Variants in L2HGDH observed in about 807,000 individuals in gnomAD.
L2HGDH encodes the protein L-2-hydroxyglutarate dehydrogenase.
Under a neutral mutation model 51.5 loss-of-function variants are expected in L2HGDH, and 34 were observed. The ratio of observed to expected loss-of-function variants is 0.66; its 90% confidence interval spans 0.50 to 0.88. L2HGDH has a LOEUF of 0.88. Among genes scored for constraint, L2HGDH ranks in the 40% least tolerant of loss-of-function variants. The pLI, the probability that L2HGDH is intolerant of heterozygous loss-of-function variation, is 0.00. For missense variants in L2HGDH, 558 were observed against 571.9 expected, an observed-to-expected ratio of 0.98 and a Z score of 0.25; for synonymous variants, 198 against 197.9, an observed-to-expected ratio of 1.00 and a Z score of -0.01.
At chr14:50,265,770 C>T (rs149134908) in intron 8 of L2HGDH, among the ~76,000 whole-genome samples, 1,537 of 152,168 alleles carry the variant, frequency 0.01, 33 homozygotes, top group African/African-American at 0.035. Flanking sequence ...AAAAATTAGA[C>T]AGGTGTGGTG....
At chr14:50,258,960 C>A (rs889399575) in intron 9 of L2HGDH, among the ~76,000 whole-genome samples, 1 of 151,480 alleles carries the variant, frequency 6.6e-6, no homozygotes, top group African/African-American at 2.4e-5. Context: ...CTTGCCCCAG[C>A]CTCCTGAGTA....
intron 4 of L2HGDH, 22 bp from the exon 5 acceptor site, chr14:50,284,055 A>ACCC (rs1890428050): frequency 6.2e-7 from 1 of 1,604,188 alleles, no homozygotes; most frequent in Admixed American, 1.7e-5. Context: ...TTATGAAAAG[A>ACCC]TAACAGATAA....
chr14:50,287,740 C>T (rs183693516), intron 4 of L2HGDH, among the ~76,000 whole-genome samples: 26 of 140,044 alleles, frequency 1.9e-4, no homozygotes, highest in Admixed American at 8.1e-4. Flanking sequence ...CTCTGTTGCC[C>T]ATGCTGGAGT....
chr14:50,285,247 T>TA (rs1157179690), intron 4 of L2HGDH, among the ~76,000 whole-genome samples: 1 of 152,062 alleles, frequency 6.6e-6, no homozygotes, highest in Non-Finnish European at 1.5e-5. Flanking sequence ...ACTTCGTCTT[T>TA]AAAAAAAGAT....
At chr14:50,288,252 C>CA (rs1253390187) in intron 4 of L2HGDH, among the ~76,000 whole-genome samples, 1 of 152,126 alleles carries the variant, frequency 6.6e-6, no homozygotes, top group Non-Finnish European at 1.5e-5. Flanking sequence ...TCGGGAAGGA[C>CA]ATGTTTAATA....
At position 50,247,048 on chromosome 14, in the gene L2HGDH, C is replaced by G; in HGVS notation, c.*10G>C. 1 of 1,611,760 alleles carries G rather than the reference C, an allele frequency of 6.2e-7. No individual in the cohort carries two copies. Among genetic ancestry groups the G allele is most frequent in the Non-Finnish European group, 8.5e-7 (1 of 1,178,674 alleles). ...GAAGATTACAGTGCATACCTAGCTC[C>G]TTTCATTATTTATAATTCAAATCTT... On this transcript the variant is annotated 3_prime_UTR_variant, in exon 10 of 10. Coordinates refer to ENST00000267436, the MANE Select transcript of L2HGDH (RefSeq NM_024884.3).
chr14:50,272,095 C>A (rs1889728953), intron 6 of L2HGDH, among the ~76,000 whole-genome samples: 1 of 152,180 alleles, frequency 6.6e-6, no homozygotes, highest in Admixed American at 6.5e-5. Flanking sequence ...GAGCCAAGAT[C>A]GTGCCTCTGC....
chr14:50,277,979 A>G (rs1890066509), intron 6 of L2HGDH, among the ~76,000 whole-genome samples: 2 of 152,052 alleles, frequency 1.3e-5, no homozygotes, highest in South Asian at 4.2e-4. Context: ...TTCTGAATCT[A>G]TGCTTTCCCA....
chr14:50,268,328 A>T (rs1889461163), intron 7 of L2HGDH, among the ~76,000 whole-genome samples: 1 of 151,504 alleles, frequency 6.6e-6, no homozygotes, highest in Non-Finnish European at 1.5e-5. Flanking sequence ...GCAATAAGCC[A>T]AGATCATGCC....
intron 6 of L2HGDH, among the ~76,000 whole-genome samples, chr14:50,278,163 C>A (rs1234286641): frequency 1.3e-5 from 2 of 152,162 alleles, no homozygotes; most frequent in African/African-American, 4.8e-5. Flanking sequence ...AAAAGCAGTC[C>A]ATCTCCCTCT....
Position 50,264,429 on chromosome 14 carries a change from C to A in L2HGDH, c.1196+929G>T, listed in dbSNP as rs191380478. On this transcript the variant is annotated intron_variant, in intron 9 of 9. Transcript: ENST00000267436. Reference sequence around the variant, plus strand: ...CAAGTTGTCCTTACTTTGCCCCACACCCCTGTAGCAAGGACTCTGATTGTT... The same window carrying A: ...CAAGTTGTCCTTACTTTGCCCCACAACCCTGTAGCAAGGACTCTGATTGTT... Among the ~76,000 whole-genome samples, 938 of 152,228 alleles carry A rather than the reference C, an allele frequency of 6.2e-3. 5 individuals carry two copies. The highest frequency in any genetic ancestry group is 0.01 in the Admixed American group (159 of 15,276).
intron 6 of L2HGDH, among the ~76,000 whole-genome samples, chr14:50,273,348 A>C (rs1889803169): frequency 1.3e-5 from 2 of 152,196 alleles, no homozygotes; most frequent in Admixed American, 1.3e-4. Context: ...GAACTACATG[A>C]TTAGGTGTAA....
At chr14:50,295,121 T>C (rs2029954818) in intron 3 of L2HGDH, among the ~76,000 whole-genome samples, 1 of 152,232 alleles carries the variant, frequency 6.6e-6, no homozygotes, top group African/African-American at 2.4e-5. Flanking sequence ...GTATTTAGAA[T>C]ATGTAAAGAA....
intron 9 of L2HGDH, among the ~76,000 whole-genome samples, chr14:50,260,843 C>T (rs1213852737): frequency 1.3e-5 from 2 of 152,226 alleles, no homozygotes; most frequent in Non-Finnish European, 1.5e-5. Context: ...TGGCTGGGCA[C>T]GGTAGCTCAC....
At chr14:50,311,885 T>A in intron 1 of L2HGDH, 126 bp downstream of exon 1, 1 of 1,296,498 alleles carries the variant, frequency 7.7e-7, no homozygotes, top group Middle Eastern at 2.6e-4. Flanking sequence ...GAGGTTGGAG[T>A]GCCACAGGAC....
At chr14:50,307,826 C>G (rs1447666499) in intron 1 of L2HGDH, among the ~76,000 whole-genome samples, 1 of 152,014 alleles carries the variant, frequency 6.6e-6, no homozygotes, top group Non-Finnish European at 1.5e-5. Context: ...GTTAAAAAAA[C>G]TAACACAAAA....
chr14:50,259,217 T>A (rs1022866126), intron 9 of L2HGDH, among the ~76,000 whole-genome samples: 1 of 151,666 alleles, frequency 6.6e-6, no homozygotes, highest in Non-Finnish European at 1.5e-5. Context: ...GCTCAGGCAA[T>A]CCTCCTACCT....
At position 50,244,683 on chromosome 14, in the gene L2HGDH, C is replaced by T. The variant is rs956724296; in HGVS notation, c.*2375G>A. 1.0e-6 allele frequency: 1 copy of T among 985,412 alleles called. No homozygotes were observed. The highest frequency in any genetic ancestry group is 1.2e-6 in the Non-Finnish European group (1 of 829,928). 61.0% of individuals were successfully genotyped at this position (985,412 alleles called of 1,614,324 possible). A position where few individuals can be genotyped will look rare whatever the true frequency, so the allele number is the denominator to read the frequency against. On this transcript the variant is annotated 3_prime_UTR_variant, in exon 10 of 10. Coordinates refer to ENST00000267436, the MANE Select transcript of L2HGDH (RefSeq NM_024884.3). ...GGATGTGCTACTTCTTAAACATGAG[C>T]TGATGAAGTGTAGCCTTTCAAATTA... is the stretch of plus-strand genomic sequence containing the variant.
chr14:50,247,301 C>T, intron 9 of L2HGDH, 48 bp from the exon 10 acceptor site: 1 of 1,592,032 alleles, frequency 6.3e-7, no homozygotes, highest in Non-Finnish European at 8.6e-7. Flanking sequence ...ACATAGGATA[C>T]TTTACAAGTC....
Sources: allele counts gnomAD v4.1 joint callset (sites outside exome capture counted in the v4.1 genomes callset), GRCh38; gene constraint gnomAD v4.1.1; transcripts MANE v1.5; gene names NCBI Gene and HGNC (gene_info 2026-07-23, HGNC 2026-07-21).